CSMD1: variants seen among roughly 807,000 people sequenced by gnomAD.
CSMD1 encodes CUB and sushi domain-containing protein 1.
CSMD1 carries 213 observed loss-of-function variants against 417.5 expected under a neutral mutation model. That is an observed-to-expected ratio of 0.51 (90% CI 0.46 to 0.57). The LOEUF (loss-of-function observed/expected upper bound fraction) is 0.57, where lower values mean the gene tolerates loss of function less well. Ranked by LOEUF, CSMD1 falls within the 20% of genes least tolerant of loss-of-function variation. The pLI is 0.00. For missense variants in CSMD1, 6,923 were observed against 4,529.7 expected (o/e 1.53, Z -15.17); for synonymous variants, 2,862 against 1,736.8 (o/e 1.65, Z -16.11).
intron 3 of CSMD1, among the ~76,000 whole-genome samples, chr8:4,362,813 G>C (rs773637650): frequency 1.1e-4 from 16 of 152,148 alleles, no homozygotes; most frequent in Non-Finnish European, 2.1e-4. Context: ...ATTGTAGTTT[G>C]ATTTTATAAT....
At chr8:4,108,683 A>G (rs1450700955) in intron 3 of CSMD1, among the ~76,000 whole-genome samples, 1 of 152,168 alleles carries the variant, frequency 6.6e-6, no homozygotes, top group Non-Finnish European at 1.5e-5. Flanking sequence ...TCCCCCTTTT[A>G]GAACAGTTAA....
chr8:3,999,052 TTA>T (rs1178224124), intron 4 of CSMD1, among the ~76,000 whole-genome samples: 1 of 150,220 alleles, frequency 6.7e-6, no homozygotes, highest in Non-Finnish European at 1.5e-5. Context: ...TATAGCTATG[TTA>T]TATATATAAA....
In CSMD1 at chr8:4,117,854, G is replaced by C. The variant is rs1029057039; in HGVS notation, c.416-85755C>G. Among the ~76,000 whole-genome samples, 10 of 150,782 alleles carry C rather than the reference G, an allele frequency of 6.6e-5. No individual in the cohort carries two copies. The East Asian group carries it at 1.8e-3, about 27-fold the overall frequency. On this transcript the variant is annotated intron_variant, in intron 3 of 69. Transcript: ENST00000635120. Reference sequence around the variant, plus strand: ...TCTCACTTTCCAAACAAAAGACAGAGACTCAGGGCATGTCAAAAACCACAA... The same window carrying C: ...TCTCACTTTCCAAACAAAAGACAGACACTCAGGGCATGTCAAAAACCACAA...
chr8:4,971,688 A>AATATATAT (rs5889080), intron 1 of CSMD1, among the ~76,000 whole-genome samples: 271 of 148,994 alleles, frequency 1.8e-3, no homozygotes, highest in Non-Finnish European at 3.1e-3. Flanking sequence ...ACTATTCTGA[A>AATATATAT]ATATATATAT....
intron 1 of CSMD1, among the ~76,000 whole-genome samples, chr8:4,891,136 G>A (rs1016340881): frequency 4.6e-5 from 7 of 152,178 alleles, no homozygotes; most frequent in African/African-American, 7.2e-5. Context: ...CTGATGCCAC[G>A]GTATGAACTC....
chr8:3,922,867 G>C (rs1809373150), intron 5 of CSMD1, among the ~76,000 whole-genome samples: 1 of 152,098 alleles, frequency 6.6e-6, no homozygotes, highest in Non-Finnish European at 1.5e-5. Flanking sequence ...GGGATATGTG[G>C]AGGAAAAGTT....
intron 23 of CSMD1, among the ~76,000 whole-genome samples, chr8:3,318,850 C>G (rs949230874): frequency 2.6e-5 from 4 of 152,168 alleles, no homozygotes; most frequent in African/African-American, 9.7e-5. Context: ...AAAGGAGCCC[C>G]CTGTGCTTTC....
chr8:3,893,132 C>G (rs537465808), intron 5 of CSMD1, among the ~76,000 whole-genome samples: 2 of 151,634 alleles, frequency 1.3e-5, no homozygotes, highest in South Asian at 4.2e-4. Context: ...CATCCTCACA[C>G]AAAAAGGTAA....
intron 12 of CSMD1, among the ~76,000 whole-genome samples, chr8:3,426,083 C>T (rs1015631338): frequency 6.6e-6 from 1 of 152,108 alleles, no homozygotes; most frequent in Non-Finnish European, 1.5e-5. Context: ...TGTAAAAAAG[C>T]AGAACAGACT....
In CSMD1 at chr8:3,739,371, T is replaced by C. The variant is rs77581452; in HGVS notation, c.931+14559A>G. On this transcript the variant is annotated intron_variant, in intron 6 of 69. Transcript: ENST00000635120. Reference sequence around the variant, plus strand: ...AGTGTGACTGTAGTTAACCACTTATTACACGTTTACAAATAGTTAGAAGAC... The same window carrying C: ...AGTGTGACTGTAGTTAACCACTTATCACACGTTTACAAATAGTTAGAAGAC... Among the ~76,000 whole-genome samples the C allele has an allele frequency of 7.4e-4, 113 of 152,356 alleles. 1 individual carries two copies. In the East Asian group the frequency reaches 0.019, roughly 26 times the overall value.
intron 50 of CSMD1, among the ~76,000 whole-genome samples, chr8:3,049,669 A>C (rs2128988055): frequency 6.6e-6 from 1 of 152,238 alleles, no homozygotes; most frequent in East Asian, 1.9e-4. Context: ...GGAGACTTTA[A>C]GTGTGATACT....
intron 1 of CSMD1, among the ~76,000 whole-genome samples, chr8:4,844,930 C>T (rs1039336336): frequency 6.6e-6 from 1 of 152,108 alleles, no homozygotes; most frequent in Non-Finnish European, 1.5e-5. Context: ...TCGTGTTTCC[C>T]AAATAGACAC....
chr8:3,995,594 G>C (rs1419462878), intron 5 of CSMD1, among the ~76,000 whole-genome samples: 6 of 152,188 alleles, frequency 3.9e-5, no homozygotes, highest in African/African-American at 1.2e-4. Context: ...CCTTGAACCT[G>C]AGCTCTGCCA....
At chr8:3,629,321 C>G (rs1403381277) in intron 7 of CSMD1, among the ~76,000 whole-genome samples, 1 of 124,886 alleles carries the variant, frequency 8.0e-6, no homozygotes, top group Non-Finnish European at 1.8e-5. Flanking sequence ...TATTTTCTTT[C>G]ACTGATGCAT....
At chr8:4,644,918 T>TA (rs1429561664) in intron 1 of CSMD1, among the ~76,000 whole-genome samples, 2 of 152,152 alleles carry the variant, frequency 1.3e-5, no homozygotes, top group Admixed American at 6.5e-5. Flanking sequence ...AGTGCATGTG[T>TA]GGGAGGTAGA....
intron 5 of CSMD1, among the ~76,000 whole-genome samples, chr8:3,841,371 G>A (rs1563135078): frequency 1.3e-5 from 2 of 152,058 alleles, no homozygotes; most frequent in Non-Finnish European, 2.9e-5. Flanking sequence ...TTCGTTATGT[G>A]GTTCTCAACC....
At chr8:4,931,601 T>C (rs908715355) in intron 1 of CSMD1, among the ~76,000 whole-genome samples, 1 of 152,242 alleles carries the variant, frequency 6.6e-6, no homozygotes, top group African/African-American at 2.4e-5. Flanking sequence ...AGCTACGTTA[T>C]AAACTAGCTG....
intron 2 of CSMD1, among the ~76,000 whole-genome samples, chr8:4,530,018 C>T (rs1291228302): frequency 6.6e-6 from 1 of 151,940 alleles, no homozygotes; most frequent in African/African-American, 2.4e-5. Context: ...GGGTTCATGC[C>T]ATTTTCCTGC....
intron 10 of CSMD1, among the ~76,000 whole-genome samples, chr8:3,526,683 G>A (rs906132987): frequency 2.0e-5 from 3 of 152,152 alleles, no homozygotes; most frequent in Admixed American, 1.3e-4. Context: ...CAAAATAAAA[G>A]ATCTGGCTTC....
Sources: gnomAD v4.1 joint callset for allele counts (sites outside exome capture counted in the v4.1 genomes callset) on GRCh38, gnomAD v4.1.1 for gene constraint, MANE v1.5 for transcripts, NCBI Gene and HGNC (gene_info 2026-07-23, HGNC 2026-07-21) for gene names.